Variants in P2RX5 observed in about 807,000 individuals in gnomAD.
P2RX5 encodes purinergic receptor P2X 5, also known as P2X purinoceptor 5.
Under a neutral mutation model 54.1 loss-of-function variants are expected in P2RX5, and 46 were observed. The ratio of observed to expected loss-of-function variants is 0.85; its 90% confidence interval spans 0.67 to 1.09. The LOEUF (loss-of-function observed/expected upper bound fraction) is 1.09, where lower values mean the gene tolerates loss of function less well. Among genes scored for constraint, P2RX5 ranks in the 50% least tolerant of loss-of-function variants. The pLI is 0.00. For synonymous variants in P2RX5, 226 were observed against 226.4 expected (o/e 1.00, Z 0.02); for missense variants, 566 against 549.8 (o/e 1.03, Z -0.29).
At chr17:3,704,349 A>T in the P2RX5 span, among the ~76,000 whole-genome samples, 1 of 152,200 alleles carries the variant, frequency 6.6e-6, no homozygotes, top group Admixed American at 6.5e-5. Flanking sequence ...TGGGTGGCCC[A>T]GAGAGACAAG....
chr17:3,714,663 G>A, the P2RX5 span: 1 of 449,808 alleles, frequency 2.2e-6, no homozygotes, highest in Non-Finnish European at 3.9e-6. Context: ...AATACCAAAT[G>A]TTTCCTAAGT....
chr17:3,716,789 C>A, the P2RX5 span: 216 of 1,571,124 alleles, frequency 1.4e-4, 1 homozygote, highest in Admixed American at 2.7e-3. Context: ...TTCAGGAAGA[C>A]GACAGTGATC....
chr17:3,677,609 C>G (rs1597693796), intron 11 of P2RX5: 2 of 985,406 alleles, frequency 2.0e-6, no homozygotes, highest in Non-Finnish European at 2.4e-6. Context: ...TAGAGGAAGG[C>G]CAGCTGGAGT....
At chr17:3,721,260 CTTTTTTTTTTTTTTT>C in the P2RX5 span, among the ~76,000 whole-genome samples, 4 of 46,200 alleles carry the variant, frequency 8.7e-5, no homozygotes, top group Admixed American at 5.8e-4. Flanking sequence ...GAGATTTTTC[CTTTTTTTTTTTTTTT>C]TTTTTTTTTT....
At chr17:3,701,706 A>AAAAT in the P2RX5 span, among the ~76,000 whole-genome samples, 2 of 139,508 alleles carry the variant, frequency 1.4e-5, no homozygotes, top group Admixed American at 7.4e-5. Flanking sequence ...GAAAAAAAAA[A>AAAAT]AAAAAAAAAA....
At chr17:3,681,126 G>C (rs2050268498) in intron 10 of P2RX5, among the ~76,000 whole-genome samples, 3 of 152,136 alleles carry the variant, frequency 2.0e-5, no homozygotes, top group Non-Finnish European at 4.4e-5. Context: ...AGTCAGGACT[G>C]TGGTTGGGGT....
chr17:3,720,046 T>C, the P2RX5 span, among the ~76,000 whole-genome samples: 1 of 152,122 alleles, frequency 6.6e-6, no homozygotes, highest in Non-Finnish European at 1.5e-5. Context: ...TTTTTTTTAA[T>C]CAATCCATTT....
the P2RX5 span, among the ~76,000 whole-genome samples, chr17:3,706,221 G>A: frequency 0.1 from 15,394 of 151,934 alleles, 862 homozygotes; most frequent in Middle Eastern, 0.17. Flanking sequence ...CCAAAGTGCC[G>A]GGATTACAGG....
intron 10 of P2RX5, 139 bp from the exon 11 acceptor site, chr17:3,679,923 T>C: frequency 1.4e-6 from 1 of 738,444 alleles, no homozygotes; most frequent in Non-Finnish European, 2.3e-6. Context: ...TCCACCCTGC[T>C]TCCTCCATGC....
At chr17:3,696,423 G>C (rs183855605), upstream of P2RX5, 736 of 156,820 alleles carry the variant, frequency 4.7e-3, 7 homozygotes, top group African/African-American at 0.017. Flanking sequence ...AGTGAAAGGG[G>C]GAAGGGCTCC....
At chr17:3,699,874 A>AAAGAAAGAAAGAAAGAAAGG (rs1567744280), upstream of P2RX5, among the ~76,000 whole-genome samples, 37 of 42,706 alleles carry the variant, frequency 8.7e-4, no homozygotes, top group East Asian at 2.7e-3. Flanking sequence ...AGAAAGAAAG[A>AAAGAAAGAAAGAAAGAAAGG]AAGGAAGGAA....
chr17:3,699,930 GAAAGAAAGAAA>G (rs1567744451), upstream of P2RX5, among the ~76,000 whole-genome samples: 42 of 86,802 alleles, frequency 4.8e-4, 1 homozygote, highest in Non-Finnish European at 9.5e-4. Context: ...AAGAAAGAAA[GAAAGAAAGAAA>G]GAAAGAAAGA....
the P2RX5 span, among the ~76,000 whole-genome samples, chr17:3,710,262 A>G: frequency 1.3e-5 from 2 of 151,924 alleles, no homozygotes; most frequent in African/African-American, 4.8e-5. Context: ...CCCAGTCTCT[A>G]CTAAAAATAC....
intron 11 of P2RX5, among the ~76,000 whole-genome samples, 168 bp from the exon 12 acceptor site, chr17:3,674,045 ATG>A (rs2050042512): frequency 6.6e-6 from 1 of 152,152 alleles, no homozygotes; most frequent in Non-Finnish European, 1.5e-5. Context: ...GCGGTGGCTC[ATG>A]CCCATGCCTG....
intron 10 of P2RX5, among the ~76,000 whole-genome samples, chr17:3,680,074 G>T (rs1330767250): frequency 3.9e-4 from 40 of 101,562 alleles, no homozygotes; most frequent in African/African-American, 4.7e-4. Flanking sequence ...TCCTCCACCT[G>T]GCTTCCTCCA....
chr17:3,711,437 C>T, the P2RX5 span, among the ~76,000 whole-genome samples: 1 of 121,480 alleles, frequency 8.2e-6, no homozygotes, highest in East Asian at 2.8e-4. Flanking sequence ...GGCTGGAGTG[C>T]AGTGGCGCGA....
At chr17:3,723,180 A>C in the P2RX5 span, 127 of 804,010 alleles carry the variant, frequency 1.6e-4, no homozygotes, top group African/African-American at 1.7e-3. Flanking sequence ...GCACCAAAAG[A>C]TCTATTTTGG....
At chr17:3,690,399 TC>T in intron 5 of P2RX5, 27 bp downstream of exon 5, 1 of 1,562,074 alleles carries the variant, frequency 6.4e-7, no homozygotes, top group Non-Finnish European at 8.8e-7. Context: ...GGGAAACCCC[TC>T]AGGGTCCTGA....
intron 9 of P2RX5, chr17:3,682,190 C>T (rs561494189): frequency 6.8e-5 from 41 of 602,186 alleles, no homozygotes; most frequent in Non-Finnish European, 1.1e-4. Flanking sequence ...GGAGCTCCCC[C>T]GATCCCACAG....
Sources: allele counts gnomAD v4.1 joint callset (sites outside exome capture counted in the v4.1 genomes callset), GRCh38; gene constraint gnomAD v4.1.1; transcripts MANE v1.5; gene names NCBI Gene and HGNC (gene_info 2026-07-23, HGNC 2026-07-21).